The following INSYN2B variants were observed in gnomAD, a reference collection of about 807,000 sequenced individuals.
INSYN2B encodes protein INSYN2B.
INSYN2B carries 16 observed loss-of-function variants against 41.2 expected under a neutral mutation model. That is an observed-to-expected ratio of 0.39 (90% CI 0.26 to 0.59). The LOEUF (loss-of-function observed/expected upper bound fraction) is 0.59, where lower values mean the gene tolerates loss of function less well. Ranked by LOEUF, INSYN2B falls within the 20% of genes least tolerant of loss-of-function variation. INSYN2B has a pLI of 0.57. For synonymous variants in INSYN2B, 245 were observed against 244.4 expected, an observed-to-expected ratio of 1.00 and a Z score of -0.02; for missense variants, 608 against 646.4, an observed-to-expected ratio of 0.94 and a Z score of 0.64.
intron 1 of INSYN2B, among the ~76,000 whole-genome samples, chr5:169,911,965 G>T (rs749205579): frequency 2.0e-4 from 31 of 152,248 alleles, no homozygotes; most frequent in Non-Finnish European, 1.3e-4. Context: ...TTCCTAGGTT[G>T]AAATTGTTCT....
chr5:169,965,166 C>T (rs1241171178), intron 1 of INSYN2B, among the ~76,000 whole-genome samples: 2 of 152,336 alleles, frequency 1.3e-5, no homozygotes, highest in African/African-American at 2.4e-5. Flanking sequence ...AGAAGGCTTA[C>T]AAAAGATACA....
At chr5:169,936,940 T>C (rs1252260800) in intron 1 of INSYN2B, among the ~76,000 whole-genome samples, 1 of 152,192 alleles carries the variant, frequency 6.6e-6, no homozygotes, top group African/African-American at 2.4e-5. Context: ...AAACAAAGCT[T>C]CTCAATCCCA....
chr5:169,959,779 G>A (rs1777009091), intron 1 of INSYN2B, among the ~76,000 whole-genome samples: 1 of 152,130 alleles, frequency 6.6e-6, no homozygotes, highest in Non-Finnish European at 1.5e-5. Context: ...TAGATCTAGA[G>A]AGATCTAGAA....
chr5:169,928,624 C>A (rs1335100354), intron 1 of INSYN2B, among the ~76,000 whole-genome samples: 4 of 152,156 alleles, frequency 2.6e-5, no homozygotes, highest in African/African-American at 9.7e-5. Flanking sequence ...GGAGGCCTAG[C>A]AGGAGACAAA....
At chr5:169,934,400 C>T (rs1360522646) in intron 1 of INSYN2B, among the ~76,000 whole-genome samples, 1 of 152,204 alleles carries the variant, frequency 6.6e-6, no homozygotes, top group Non-Finnish European at 1.5e-5. Context: ...ATTTACCTAT[C>T]CGCATGCCCG....
chr5:169,884,916 G>A (rs1193945068), intron 1 of INSYN2B, 100 bp from the exon 2 acceptor site: 2 of 152,144 alleles, frequency 1.3e-5, no homozygotes, highest in Non-Finnish European at 2.9e-5. Flanking sequence ...TTTGAGTGGA[G>A]GGTCTAGGAA....
chr5:169,901,217 A>T (rs192783803), intron 1 of INSYN2B, among the ~76,000 whole-genome samples: 8 of 152,246 alleles, frequency 5.3e-5, no homozygotes, highest in Admixed American at 4.6e-4. Context: ...GCAAACGAAC[A>T]TTGTGCACAC....
rs1772848843 is a variant in INSYN2B, at chr5:169,884,376, T to G, written c.-478A>C. Reference sequence around the variant, plus strand: ...ATACAGCTTTTTGTTTCCCAGAGCATTAATTTCCAGGGTGAAACTGCAGGA... The same window carrying G: ...ATACAGCTTTTTGTTTCCCAGAGCAGTAATTTCCAGGGTGAAACTGCAGGA... On this transcript the variant is annotated 5_prime_UTR_variant, in exon 2 of 4. An upstream start codon of the reference 5' UTR is lost. Coordinates refer to ENST00000377365, the MANE Select transcript of INSYN2B (RefSeq NM_001129891.3). 1 of 153,016 alleles carries G rather than the reference T, an allele frequency of 6.5e-6. No individual in the cohort carries two copies. The allele number at this position is 153,016 out of a possible 1,614,324, so 9.5% of individuals were successfully genotyped here. A position where few individuals can be genotyped will look rare whatever the true frequency, so the allele number is the denominator to read the frequency against.
chr5:169,933,482 G>A (rs1461642456), intron 1 of INSYN2B, among the ~76,000 whole-genome samples: 1 of 152,244 alleles, frequency 6.6e-6, no homozygotes, highest in Admixed American at 6.5e-5. Context: ...AGCATCAAGA[G>A]TCTGCATAAA....
chr5:169,886,938 C>A (rs1039844501), intron 1 of INSYN2B, among the ~76,000 whole-genome samples: 3 of 152,186 alleles, frequency 2.0e-5, no homozygotes, highest in African/African-American at 7.2e-5. Flanking sequence ...TTCATTTACT[C>A]TCTTCCTTAA....
chr5:169,945,678 T>G (rs1776420030), intron 1 of INSYN2B, among the ~76,000 whole-genome samples: 1 of 151,904 alleles, frequency 6.6e-6, no homozygotes, highest in African/African-American at 2.4e-5. Flanking sequence ...TAGGAAGGAG[T>G]AGAACGGAGG....
rs56270722 is a variant in INSYN2B, at chr5:169,887,725, T to G, written c.-918-2909A>C. Among the ~76,000 whole-genome samples, 5 of 152,210 alleles carry G rather than the reference T, an allele frequency of 3.3e-5. No individual in the cohort carries two copies. The South Asian group carries it at 6.2e-4, about 19-fold the overall frequency. On this transcript the variant is annotated intron_variant, in intron 1 of 3. Coordinates refer to ENST00000377365, the MANE Select transcript of INSYN2B (RefSeq NM_001129891.3). The stretch of plus-strand genomic sequence containing the variant: ...TCTTGGAGCTCTTGTCTAATTATCT[T>G]CTTGAAATAAATGCCTAGAAGAAGA...
At chr5:169,874,519 G>T (rs746605427) in intron 3 of INSYN2B, among the ~76,000 whole-genome samples, 1 of 151,878 alleles carries the variant, frequency 6.6e-6, no homozygotes, top group African/African-American at 2.4e-5. Flanking sequence ...TTCATGCATG[G>T]TCCTTGGTTC....
At chr5:169,896,302 T>G (rs1375497376) in intron 1 of INSYN2B, among the ~76,000 whole-genome samples, 1 of 152,134 alleles carries the variant, frequency 6.6e-6, no homozygotes, top group African/African-American at 2.4e-5. Flanking sequence ...ACCCCTTAAA[T>G]CCCATGTGGA....
At chr5:169,974,176 C>T (rs1441597784) in intron 1 of INSYN2B, among the ~76,000 whole-genome samples, 1 of 152,132 alleles carries the variant, frequency 6.6e-6, no homozygotes, top group African/African-American at 2.4e-5. Flanking sequence ...CCTCTCTGTT[C>T]GTTGGTTTTC....
chr5:169,958,470 A>G (rs1232429234), intron 1 of INSYN2B, among the ~76,000 whole-genome samples: 4 of 152,074 alleles, frequency 2.6e-5, no homozygotes, highest in African/African-American at 9.7e-5. Flanking sequence ...TGGTGTGCAT[A>G]TTTAAATTAC....
intron 3 of INSYN2B, among the ~76,000 whole-genome samples, chr5:169,867,031 C>A (rs552889812): frequency 7.2e-5 from 11 of 152,334 alleles, no homozygotes; most frequent in African/African-American, 2.2e-4. Flanking sequence ...AGTTGGGGTT[C>A]CCAAAACCCC....
intron 1 of INSYN2B, among the ~76,000 whole-genome samples, chr5:169,935,711 A>G (rs989781189): frequency 3.9e-5 from 6 of 152,224 alleles, no homozygotes; most frequent in Admixed American, 2.6e-4. Context: ...TAGAGCTTCA[A>G]CTGCTACATT....
chr5:169,922,609 T>C (rs891650200), intron 1 of INSYN2B, among the ~76,000 whole-genome samples: 1 of 152,214 alleles, frequency 6.6e-6, no homozygotes, highest in Non-Finnish European at 1.5e-5. Flanking sequence ...TACATTATCT[T>C]TCTAAGCTGG....
Sources: allele counts gnomAD v4.1 joint callset (sites outside exome capture counted in the v4.1 genomes callset), GRCh38; gene constraint gnomAD v4.1.1; transcripts MANE v1.5; gene names NCBI Gene and HGNC (gene_info 2026-07-23, HGNC 2026-07-21).